UBN2: variants seen among roughly 807,000 people sequenced by gnomAD.
UBN2 encodes the protein ubinuclein 2, also known as ubinuclein-2.
Under a neutral mutation model 120.2 loss-of-function variants are expected in UBN2, and 35 were observed. The observed-to-expected ratio is 0.29, with a 90% CI of 0.22 to 0.39. UBN2 has a LOEUF of 0.39. Ranked by LOEUF, UBN2 falls within the 10% of genes least tolerant of loss-of-function variation. The pLI is 1.00. For missense variants in UBN2, 1,693 were observed against 1,663.2 expected (o/e 1.02, Z -0.31); for synonymous variants, 661 against 648.7 (o/e 1.02, Z -0.29).
At chr7:139,325,227 G>A in the UBN2 span, among the ~76,000 whole-genome samples, 16 of 147,680 alleles carry the variant, frequency 1.1e-4, no homozygotes, top group South Asian at 3.5e-3. Context: ...TTACTGATAT[G>A]AGTACATAAT....
At chr7:139,244,905 A>G (rs909101623) in intron 2 of UBN2, among the ~76,000 whole-genome samples, 1 of 151,984 alleles carries the variant, frequency 6.6e-6, no homozygotes, top group African/African-American at 2.4e-5. Flanking sequence ...TACCTTCTAT[A>G]TTAATAAATA....
At chr7:139,272,754 T>G (rs1797322142) in intron 9 of UBN2, among the ~76,000 whole-genome samples, 1 of 152,142 alleles carries the variant, frequency 6.6e-6, no homozygotes, top group South Asian at 2.1e-4. Context: ...CTCAAACTCC[T>G]GACCTCAGGT....
At chr7:139,315,234 C>G in the UBN2 span, 1 of 152,184 alleles carries the variant, frequency 6.6e-6, no homozygotes, top group East Asian at 1.9e-4. Context: ...CTCTGCCTCC[C>G]AAAGTGCTGG....
At position 139,231,380 on chromosome 7, in the gene UBN2, A is replaced by C; in HGVS notation, c.-105A>C. The C allele has an allele frequency of 1.0e-6, 1 of 964,554 alleles. No homozygotes were observed. The highest frequency in any genetic ancestry group is 1.3e-6 in the Non-Finnish European group (1 of 740,806). The allele number at this position is 964,554 out of a possible 1,614,324, so 59.7% of individuals were successfully genotyped here. On this transcript the variant is annotated 5_prime_UTR_variant, in exon 1 of 18. Coordinates refer to ENST00000473989, the MANE Select transcript of UBN2 (RefSeq NM_173569.4). ...CGGCGGAGACGGCTGAGGGTGGTGG[A>C]GGGAAGAAAAGCGACAGAGAGCAAG...
the UBN2 span, among the ~76,000 whole-genome samples, chr7:139,323,161 C>T: frequency 6.6e-6 from 1 of 152,078 alleles, no homozygotes; most frequent in Non-Finnish European, 1.5e-5. Flanking sequence ...CTCTCATATA[C>T]AAGAATTGTT....
At position 139,283,527 on chromosome 7, in the gene UBN2, C is replaced by T; in HGVS notation, c.2622C>T (p.Ala874=). 1.9e-6 allele frequency: 3 copies of T among 1,614,154 alleles called. No homozygotes were observed. Among genetic ancestry groups the T allele is most frequent in the Non-Finnish European group, 2.5e-6 (3 of 1,180,024 alleles). The stretch of plus-strand genomic sequence containing the variant: ...AAGTTTCTTTAGAACCTTTGCCAGC[C>T]AGGCTACTTCAACAAGGACTTCAGA... The part of the protein sequence containing the change: ...NPKVSLEPLP[A]RLLQQGLQRS... The change falls in exon 15 of 18, where the codon GCC becomes GCT. Residue 874 remains alanine (A), a synonymous_variant. Coordinates refer to ENST00000473989, the MANE Select transcript of UBN2 (RefSeq NM_173569.4).
At chr7:139,327,527 G>A in the UBN2 span, among the ~76,000 whole-genome samples, 3 of 152,126 alleles carry the variant, frequency 2.0e-5, no homozygotes, top group Non-Finnish European at 2.9e-5. Flanking sequence ...GGGCAAGAAA[G>A]CAAAAGGGGC....
the UBN2 span, among the ~76,000 whole-genome samples, chr7:139,327,966 G>A: frequency 2.1e-4 from 32 of 152,206 alleles, no homozygotes; most frequent in South Asian, 6.0e-3. Context: ...CCATATACTT[G>A]TGAACTAGAG....
rs763881607 is a variant in UBN2 at position 139,283,058 on chromosome 7, C to A, written c.2153C>A (p.Thr718Lys). The A allele has an allele frequency of 1.2e-6, 2 of 1,606,998 alleles. No individual in the cohort carries two copies. The highest frequency in any genetic ancestry group is 1.7e-6 in the Non-Finnish European group (2 of 1,177,354). The change falls in exon 15 of 18, where the codon ACA becomes AAA. Residue 718 changes from threonine to lysine, a missense_variant. Physicochemically the swap from Thr to Lys is moderately conservative, Grantham distance 78. Transcript: ENST00000473989. ...CSPKKDQKTP[T>K]SLVASVSGPP... ...CCAAAAAAGGACCAGAAAACTCCAA[C>A]ATCCCTGGTGGCTTCGGTTAGCGGT...
chr7:139,297,496 T>C (rs1375757155), intron 17 of UBN2, among the ~76,000 whole-genome samples: 1 of 152,144 alleles, frequency 6.6e-6, no homozygotes, highest in Non-Finnish European at 1.5e-5. Flanking sequence ...TCTCACAGCA[T>C]TTGACACAAT....
chr7:139,293,547 C>G, intron 16 of UBN2, 84 bp downstream of exon 16: 1 of 1,147,526 alleles, frequency 8.7e-7, no homozygotes, highest in East Asian at 2.4e-5. Context: ...TAAGAGTAGT[C>G]CAGTTGGAGT....
the UBN2 span, among the ~76,000 whole-genome samples, chr7:139,328,446 T>C: frequency 3.9e-5 from 6 of 152,140 alleles, no homozygotes; most frequent in Non-Finnish European, 8.8e-5. Flanking sequence ...GAGATTTTGG[T>C]GGGGACACAG....
At chr7:139,267,346 G>A (rs1797128297) in intron 7 of UBN2, among the ~76,000 whole-genome samples, 1 of 152,086 alleles carries the variant, frequency 6.6e-6, no homozygotes, top group Non-Finnish European at 1.5e-5. Context: ...TCAGCTTGGG[G>A]AACATAGTGA....
intron 7 of UBN2, among the ~76,000 whole-genome samples, chr7:139,267,438 A>G (rs181420642): frequency 1.7e-4 from 26 of 151,710 alleles, no homozygotes; most frequent in African/African-American, 6.0e-4. Flanking sequence ...CAGGAGGCTG[A>G]GTTGGGAGGA....
At chr7:139,270,270 CTT>C (rs563161456) in intron 8 of UBN2, among the ~76,000 whole-genome samples, 15 of 134,356 alleles carry the variant, frequency 1.1e-4, no homozygotes, top group Non-Finnish European at 6.5e-5. Context: ...AGCAGAAATA[CTT>C]TTTTTTTTTT....
chr7:139,297,772 G>A lies in UBN2; in HGVS notation c.3995-15G>A, dbSNP rs1427063504. On this transcript the variant is annotated splice_polypyrimidine_tract_variant and intron_variant, in intron 17 of 17. Transcript: ENST00000473989. ...ACATATGGACCCATACCAATTTAAC[G>A]TCTCTTTTTCTCAGATGGAGGCCAA... 10 of 1,613,816 alleles carry A rather than the reference G, an allele frequency of 6.2e-6. No homozygotes were observed. Among genetic ancestry groups the A allele is most frequent in the East Asian group, 2.2e-5 (1 of 44,840 alleles).
intron 8 of UBN2, among the ~76,000 whole-genome samples, chr7:139,270,329 C>T (rs987158480): frequency 8.9e-5 from 13 of 145,856 alleles, no homozygotes; most frequent in South Asian, 4.3e-4. Flanking sequence ...AGTGCAGTGG[C>T]GCGATCTCAG....
intron 5 of UBN2, among the ~76,000 whole-genome samples, chr7:139,260,791 A>G (rs1796906298): frequency 6.6e-6 from 1 of 152,046 alleles, no homozygotes; most frequent in Non-Finnish European, 1.5e-5. Context: ...CCTTTTATTG[A>G]GTGTATTGTT....
At chr7:139,316,510 G>A in the UBN2 span, among the ~76,000 whole-genome samples, 2 of 152,204 alleles carry the variant, frequency 1.3e-5, no homozygotes, top group Non-Finnish European at 2.9e-5. Flanking sequence ...GCTCACGCCT[G>A]TAATCCCAGC....
Sources: gnomAD v4.1 joint callset for allele counts (sites outside exome capture counted in the v4.1 genomes callset) on GRCh38, gnomAD v4.1.1 for gene constraint, MANE v1.5 for transcripts, NCBI Gene and HGNC (gene_info 2026-07-23, HGNC 2026-07-21) for gene names.